BMPR1A: variants seen among roughly 807,000 people sequenced by gnomAD.
The protein encoded by BMPR1A is bone morphogenetic protein receptor type-1A.
Under a neutral mutation model 66.0 loss-of-function variants are expected in BMPR1A, and 7 were observed. The ratio of observed to expected loss-of-function variants is 0.11; its 90% CI spans 0.06 to 0.20. The LOEUF (loss-of-function observed/expected upper bound fraction) is 0.20. BMPR1A is among the 10% of genes least tolerant of loss of function. The pLI is 1.00. For missense variants in BMPR1A, 408 were observed against 669.1 expected, an observed-to-expected ratio of 0.61 and a Z score of 4.31; for synonymous variants, 200 against 229.7, an observed-to-expected ratio of 0.87 and a Z score of 1.17.
At chr10:86,887,141 T>C (rs1843077427) in intron 3 of BMPR1A, among the ~76,000 whole-genome samples, 1 of 152,104 alleles carries the variant, frequency 6.6e-6, no homozygotes, top group Admixed American at 6.6e-5. Flanking sequence ...CCTTTGTATT[T>C]TGTCACTTTT....
At chr10:86,870,516 G>A (rs534154287) in intron 2 of BMPR1A, among the ~76,000 whole-genome samples, 1 of 152,272 alleles carries the variant, frequency 6.6e-6, no homozygotes, top group South Asian at 2.1e-4. Context: ...TTGAACTCCT[G>A]GGCTGAAGAG....
chr10:86,920,856 C>CTTTTTTTTTTTT (rs397774280), intron 10 of BMPR1A, among the ~76,000 whole-genome samples: 6 of 122,202 alleles, frequency 4.9e-5, no homozygotes, highest in Admixed American at 8.4e-5. Flanking sequence ...CTTTTCTTTT[C>CTTTTTTTTTTTT]TTTTTTTTTT....
chr10:86,851,521 A>C (rs1447580343), intron 2 of BMPR1A, among the ~76,000 whole-genome samples: 1 of 152,208 alleles, frequency 6.6e-6, no homozygotes, highest in East Asian at 1.9e-4. Flanking sequence ...GTCATTTTTG[A>C]GTGAACATTG....
intron 1 of BMPR1A, among the ~76,000 whole-genome samples, chr10:86,759,864 C>T (rs1841004739): frequency 6.6e-6 from 1 of 151,950 alleles, no homozygotes; most frequent in South Asian, 2.1e-4. Context: ...TGGTTTGTGT[C>T]GATTTTCTGA....
chr10:86,784,959 G>A (rs1384273084), intron 1 of BMPR1A, among the ~76,000 whole-genome samples: 3 of 151,646 alleles, frequency 2.0e-5, no homozygotes, highest in Admixed American at 1.3e-4. Context: ...TTTAAATGTA[G>A]GCATTTACTG....
chr10:86,894,523 G>A (rs1239754161), intron 5 of BMPR1A, among the ~76,000 whole-genome samples: 1 of 152,160 alleles, frequency 6.6e-6, no homozygotes, highest in Non-Finnish European at 1.5e-5. Context: ...AAGAGCTATG[G>A]TTAGGGTACT....
chr10:86,796,153 G>A (rs972487018), intron 1 of BMPR1A, among the ~76,000 whole-genome samples: 1 of 151,928 alleles, frequency 6.6e-6, no homozygotes, highest in Non-Finnish European at 1.5e-5. Flanking sequence ...GTTTTATGTC[G>A]TATTTTTTTC....
intron 2 of BMPR1A, among the ~76,000 whole-genome samples, chr10:86,863,463 T>G (rs1842739768): frequency 1.3e-5 from 2 of 152,332 alleles, no homozygotes; most frequent in Non-Finnish European, 2.9e-5. Context: ...CTAGAATATT[T>G]TTGGTTGTAA....
At chr10:86,884,313 T>C (rs1332807697) in intron 3 of BMPR1A, among the ~76,000 whole-genome samples, 5 of 150,684 alleles carry the variant, frequency 3.3e-5, no homozygotes, top group Non-Finnish European at 7.4e-5. Context: ...CTTGAACTCC[T>C]GAGCTCAAGC....
intron 1 of BMPR1A, among the ~76,000 whole-genome samples, chr10:86,783,965 T>G (rs1170592234): frequency 1.3e-5 from 2 of 152,246 alleles, no homozygotes; most frequent in African/African-American, 2.4e-5. Context: ...TGTGTTGACT[T>G]TGTATCCTCC....
intron 7 of BMPR1A, among the ~76,000 whole-genome samples, chr10:86,911,650 T>C (rs1843487454): frequency 6.6e-6 from 1 of 152,096 alleles, no homozygotes; most frequent in African/African-American, 2.4e-5. Flanking sequence ...CTCAGGAGGC[T>C]GAGGTGGGAG....
At chr10:86,930,864 C>G (rs1589296007), downstream of BMPR1A, 2 of 152,338 alleles carry the variant, frequency 1.3e-5, no homozygotes, top group Admixed American at 1.3e-4. Flanking sequence ...CCTCAGCCTC[C>G]TGAGTAGCTG....
chr10:86,927,385 G>C lies in BMPR1A; in HGVS notation c.*3666G>C. 1 of 195,006 alleles carries C rather than the reference G, an allele frequency of 5.1e-6. No homozygotes were observed. The allele number at this position is 195,006 out of a possible 1,614,324, so 12.1% of individuals were successfully genotyped here. A position where few individuals can be genotyped will look rare whatever the true frequency, so the allele number is the denominator to read the frequency against. Reference sequence around the variant, plus strand: ...ATGATAGCCCTTGTAGTGTTTAAAAGTGGTCATATTTATTACTGACTTTGA... The same window carrying C: ...ATGATAGCCCTTGTAGTGTTTAAAACTGGTCATATTTATTACTGACTTTGA... On this transcript the variant is annotated 3_prime_UTR_variant, in exon 13 of 13. Transcript: ENST00000372037.
At chr10:86,864,991 C>A (rs986443681) in intron 2 of BMPR1A, among the ~76,000 whole-genome samples, 2 of 152,120 alleles carry the variant, frequency 1.3e-5, no homozygotes, top group African/African-American at 4.8e-5. Flanking sequence ...AAATTTTCGC[C>A]GCCCCAACAC....
At chr10:86,826,411 A>AACACACATAC (rs71477611) in intron 1 of BMPR1A, among the ~76,000 whole-genome samples, 54 of 147,000 alleles carry the variant, frequency 3.7e-4, no homozygotes, top group Non-Finnish European at 6.2e-4. Context: ...CAATCAAGGA[A>AACACACATAC]ACACACACAC....
intron 1 of BMPR1A, among the ~76,000 whole-genome samples, chr10:86,817,380 C>G (rs1842049734): frequency 6.6e-6 from 1 of 152,158 alleles, no homozygotes; most frequent in Non-Finnish European, 1.5e-5. Flanking sequence ...TTTCACTTAG[C>G]ATAATGTCTT....
intron 2 of BMPR1A, among the ~76,000 whole-genome samples, chr10:86,857,883 C>T (rs1842665236): frequency 6.6e-6 from 1 of 151,896 alleles, no homozygotes; most frequent in Non-Finnish European, 1.5e-5. Flanking sequence ...GTCTCAAACT[C>T]CTGGTCTCAA....
intron 2 of BMPR1A, among the ~76,000 whole-genome samples, chr10:86,867,808 GAT>G (rs1428106150): frequency 6.6e-6 from 1 of 152,180 alleles, no homozygotes; most frequent in Non-Finnish European, 1.5e-5. Context: ...TGCTATACTA[GAT>G]TGTCTTGATT....
intron 1 of BMPR1A, among the ~76,000 whole-genome samples, chr10:86,774,007 C>T (rs1841307043): frequency 6.6e-6 from 1 of 151,952 alleles, no homozygotes; most frequent in Non-Finnish European, 1.5e-5. Flanking sequence ...TCTGCCACTA[C>T]ACCTGGCTAA....
Sources: gnomAD v4.1 joint callset for allele counts (sites outside exome capture counted in the v4.1 genomes callset) on GRCh38, gnomAD v4.1.1 for gene constraint, MANE v1.5 for transcripts, NCBI Gene and HGNC (gene_info 2026-07-23, HGNC 2026-07-21) for gene names.